The following SNX9 variants were observed in gnomAD, a reference collection of about 807,000 sequenced individuals.
The protein encoded by SNX9 is sorting nexin-9.
Under a neutral mutation model 89.4 loss-of-function variants are expected in SNX9, and 44 were observed. The observed-to-expected ratio is 0.49, with a 90% confidence interval of 0.39 to 0.63. The LOEUF is 0.63. SNX9 is among the 30% of genes least tolerant of loss of function. The pLI is 0.00. For missense variants in SNX9, 578 were observed against 736.1 expected (o/e 0.79, Z 2.49); for synonymous variants, 236 against 247.8 (o/e 0.95, Z 0.45).
chr6:157,852,853 A>G (rs1043480043), intron 1 of SNX9, among the ~76,000 whole-genome samples: 4 of 152,158 alleles, frequency 2.6e-5, no homozygotes, highest in African/African-American at 9.7e-5. Flanking sequence ...GGTTACAGGC[A>G]TGAGCCACTG....
At chr6:157,836,809 T>C (rs1174939341) in intron 1 of SNX9, among the ~76,000 whole-genome samples, 1 of 152,066 alleles carries the variant, frequency 6.6e-6, no homozygotes, top group Admixed American at 6.5e-5. Context: ...GCCCGGATGG[T>C]CTCGATCTCC....
At chr6:157,878,460 C>T (rs144647472) in intron 4 of SNX9, among the ~76,000 whole-genome samples, 2,979 of 146,806 alleles carry the variant, frequency 0.02, 94 homozygotes, top group African/African-American at 0.072. Flanking sequence ...GACGGAGTCT[C>T]GCTCAGTCGC....
At chr6:157,856,421 A>T (rs1299460127) in intron 1 of SNX9, among the ~76,000 whole-genome samples, 2 of 152,192 alleles carry the variant, frequency 1.3e-5, no homozygotes, top group Non-Finnish European at 2.9e-5. Flanking sequence ...TTAACACTTC[A>T]TCTGTAAGTA....
At chr6:157,867,678 A>AT (rs777702279) in intron 2 of SNX9, 45 bp downstream of exon 2, 1 of 1,390,578 alleles carries the variant, frequency 7.2e-7, no homozygotes, top group East Asian at 2.7e-5. Flanking sequence ...ATGTGGACTT[A>AT]TTTTTAACAA....
In SNX9 at chr6:157,823,429, C is replaced by T; in HGVS notation, c.-6C>T. On this transcript the variant is annotated 5_prime_UTR_variant, in exon 1 of 18. Transcript: ENST00000392185. The surrounding 1 kb of genome is among the most constrained non-coding windows in gnomAD (Gnocchi z 4.6). ...CGGCCGTCCCGGGCCGGGGGACCCGCCCGCCATGGCCACCAAGGTGAGGGG... is the reference window on the plus strand; with the variant it reads ...CGGCCGTCCCGGGCCGGGGGACCCGTCCGCCATGGCCACCAAGGTGAGGGG... 2 of 1,245,948 alleles carry T rather than the reference C, an allele frequency of 1.6e-6. No individual in the cohort carries two copies. The highest frequency in any genetic ancestry group is 2.0e-6 in the Non-Finnish European group (2 of 995,322). 77.2% of individuals were successfully genotyped at this position (1,245,948 alleles called of 1,614,324 possible).
chr6:157,891,017 TTTTC>T (rs1157339068), intron 4 of SNX9, among the ~76,000 whole-genome samples: 6 of 150,758 alleles, frequency 4.0e-5, no homozygotes, highest in Non-Finnish European at 7.4e-5. Context: ...AAAAATTCTT[TTTTC>T]TTTCTCTTTT....
At chr6:157,837,224 C>G (rs1015258428) in intron 1 of SNX9, among the ~76,000 whole-genome samples, 2 of 152,176 alleles carry the variant, frequency 1.3e-5, no homozygotes, top group African/African-American at 4.8e-5. Context: ...TTTGATTGAT[C>G]GTTGGTATTA....
intron 4 of SNX9, among the ~76,000 whole-genome samples, chr6:157,877,221 G>A (rs1782537652): frequency 6.8e-6 from 1 of 147,112 alleles, no homozygotes; most frequent in South Asian, 2.4e-4. Context: ...ATATAAACTG[G>A]TATAAGTCTA....
At chr6:157,931,787 G>A (rs1358031380) in intron 12 of SNX9, among the ~76,000 whole-genome samples, 1 of 152,190 alleles carries the variant, frequency 6.6e-6, no homozygotes, top group Non-Finnish European at 1.5e-5. Flanking sequence ...ATGTGACCTT[G>A]GGCAAGTCAG....
intron 1 of SNX9, among the ~76,000 whole-genome samples, chr6:157,840,419 CTTTT>C (rs748344576): frequency 7.1e-6 from 1 of 141,406 alleles, no homozygotes; most frequent in Admixed American, 6.9e-5. Context: ...TTCTTTCTTT[CTTTT>C]CTTTCTTTTC....
chr6:157,930,886 ATCTG>A (rs781560145), intron 12 of SNX9, among the ~76,000 whole-genome samples: 1 of 152,226 alleles, frequency 6.6e-6, no homozygotes, highest in Non-Finnish European at 1.5e-5. Context: ...CATCATTTAA[ATCTG>A]TATGTTCTTT....
In SNX9 at chr6:157,899,986, A is replaced by G. The variant is rs147388191; in HGVS notation, c.473-1912A>G. 7.2e-3 allele frequency among the ~76,000 whole-genome samples: 1,096 copies of G among 152,172 alleles called. 5 individuals carry two copies. Among genetic ancestry groups the G allele is most frequent in the Non-Finnish European group, 0.012 (786 of 68,000 alleles). On this transcript the variant is annotated intron_variant, in intron 5 of 17. Transcript: ENST00000392185. ...AAATCTCCCTCAGCAGGTTTCCCAA[A>G]TATAATGCAATATCATTAACTGTAG... is the stretch of plus-strand genomic sequence containing the variant.
intron 1 of SNX9, among the ~76,000 whole-genome samples, chr6:157,832,581 C>T (rs555329402): frequency 5.3e-5 from 8 of 152,224 alleles, no homozygotes; most frequent in Non-Finnish European, 1.2e-4. Context: ...TTAAATGACT[C>T]ACAGTTCCAA....
chr6:157,893,563 A>T (rs1457150195), intron 4 of SNX9, among the ~76,000 whole-genome samples: 5 of 151,592 alleles, frequency 3.3e-5, no homozygotes, highest in African/African-American at 7.3e-5. Flanking sequence ...CAGGGTGGGT[A>T]ATTTTCTTGC....
chr6:157,840,330 G>T (rs1355730128), intron 1 of SNX9, among the ~76,000 whole-genome samples: 3 of 152,222 alleles, frequency 2.0e-5, no homozygotes, highest in Non-Finnish European at 4.4e-5. Context: ...GACCACGGGG[G>T]CTTTGACATT....
rs1782989801 is a variant in SNX9, at chr6:157,896,951, A to G, written c.425A>G (p.Asn142Ser). 6.2e-7 allele frequency: 1 copy of G among 1,612,442 alleles called. No homozygotes were observed. The highest frequency in any genetic ancestry group is 8.5e-7 in the Non-Finnish European group (1 of 1,179,596). ...GCCCAAAGAAACACAAACACTCCCA[A>G]CAACTGGGACACTGCCTTCGGCCAC... ...AGAQRNTNTP[N>S]NWDTAFGHPQ... The change falls in exon 5 of 18, where the codon AAC (asparagine) becomes AGC (serine). Residue 142 changes from asparagine to serine, a missense_variant. By Grantham distance (46) the Asn-to-Ser change is conservative (BLOSUM62 1). Coordinates refer to ENST00000392185, the MANE Select transcript of SNX9 (RefSeq NM_016224.5).
intron 4 of SNX9, among the ~76,000 whole-genome samples, chr6:157,878,359 C>T (rs1782557632): frequency 6.6e-6 from 1 of 151,706 alleles, no homozygotes; most frequent in African/African-American, 2.4e-5. Flanking sequence ...AATTATAAAG[C>T]TGTTTATTAA....
chr6:157,903,655 C>T (rs1349645020), intron 6 of SNX9, among the ~76,000 whole-genome samples: 5 of 152,156 alleles, frequency 3.3e-5, no homozygotes, highest in Admixed American at 1.3e-4. Context: ...TGAGTGGCCA[C>T]GTTTTCATGG....
chr6:157,934,460 T>A (rs969502840), intron 13 of SNX9, among the ~76,000 whole-genome samples: 2 of 152,068 alleles, frequency 1.3e-5, no homozygotes, highest in Non-Finnish European at 2.9e-5. Context: ...ATAAAACAAA[T>A]GATACATCAA....
Sources: allele counts gnomAD v4.1 joint callset (sites outside exome capture counted in the v4.1 genomes callset), GRCh38; gene constraint gnomAD v4.1.1; non-coding constraint Gnocchi (gnomAD v3.1); transcripts MANE v1.5; gene names NCBI Gene and HGNC (gene_info 2026-07-23, HGNC 2026-07-21).